PARD3: variants seen among roughly 807,000 people sequenced by gnomAD.
The protein encoded by PARD3 is partitioning defective 3 homolog.
In PARD3, 75 loss-of-function variants were observed where a neutral mutation model predicts 155.4. The observed-to-expected ratio is 0.48, with a 90% confidence interval of 0.40 to 0.58. The LOEUF is 0.58. Ranked by LOEUF, PARD3 falls within the 20% of genes least tolerant of loss-of-function variation. The pLI is 0.00. For missense variants in PARD3, 1,642 were observed against 1,721.7 expected, an observed-to-expected ratio of 0.95 and a Z score of 0.82; for synonymous variants, 576 against 610.5, an observed-to-expected ratio of 0.94 and a Z score of 0.83.
chr10:34,558,876 G>A (rs1214217094), intron 2 of PARD3, among the ~76,000 whole-genome samples: 1 of 152,186 alleles, frequency 6.6e-6, no homozygotes, highest in Admixed American at 6.5e-5. Context: ...TAACCTGGGA[G>A]GCGGAGGTTG....
At chr10:34,218,848 G>A (rs991097361) in intron 22 of PARD3, among the ~76,000 whole-genome samples, 3 of 151,954 alleles carry the variant, frequency 2.0e-5, no homozygotes, top group African/African-American at 7.3e-5. Context: ...GAAGAAAAAG[G>A]GTGAAAACCT....
intron 5 of PARD3, among the ~76,000 whole-genome samples, chr10:34,437,285 A>G (rs184704332): frequency 1.1e-4 from 17 of 152,236 alleles, no homozygotes; most frequent in Non-Finnish European, 2.1e-4. Context: ...ACCAGGATAC[A>G]CTCCAGTGAC....
Position 34,331,273 on chromosome 10 carries a change from C to G in PARD3, c.2677G>C (p.Ala893Pro), listed in dbSNP as rs762819451. ...CCATTCAAAGTCACCTCGGCAACTGCGGTCTGCAGACTCTCCAACGAGCTT... is the reference window on the plus strand; with the variant it reads ...CCATTCAAAGTCACCTCGGCAACTGGGGTCTGCAGACTCTCCAACGAGCTT... Reference protein sequence around the residue: ...KSSSLESLQTAVAEVTLNGDI... With the variant: ...KSSSLESLQTPVAEVTLNGDI... The change falls in exon 19 of 25, where the codon GCA (alanine) becomes CCA (proline). Residue 893 changes from alanine (A) to proline (P), a missense_variant. Transcript: ENST00000374788. 1 of 1,613,906 alleles carries G rather than the reference C, an allele frequency of 6.2e-7. No individual in the cohort carries two copies. The highest frequency in any genetic ancestry group is 8.5e-7 in the Non-Finnish European group (1 of 1,179,894).
intron 22 of PARD3, among the ~76,000 whole-genome samples, chr10:34,255,259 C>T (rs1210107859): frequency 6.6e-6 from 1 of 152,120 alleles, no homozygotes; most frequent in Non-Finnish European, 1.5e-5. Context: ...CGGAAGTGTT[C>T]CAATCCACGC....
intron 22 of PARD3, among the ~76,000 whole-genome samples, chr10:34,237,477 G>A (rs1393841406): frequency 1.3e-5 from 2 of 152,156 alleles, no homozygotes; most frequent in Non-Finnish European, 2.9e-5. Flanking sequence ...TAACAACCAT[G>A]ATAGTTTTTT....
intron 1 of PARD3, among the ~76,000 whole-genome samples, chr10:34,728,959 T>C (rs1317795144): frequency 1.3e-5 from 2 of 152,168 alleles, no homozygotes; most frequent in South Asian, 2.1e-4. Flanking sequence ...GGTTCCGATA[T>C]GTTTAGAAAC....
Position 34,565,946 on chromosome 10 carries a change from C to T in PARD3, c.223-48787G>A, listed in dbSNP as rs183824854. ...GTGTCAAAAGGAAAATACACATCTT[C>T]ATTTTTCAATGATTAAATACAGTCC... On this transcript the variant is annotated intron_variant, in intron 2 of 24. Coordinates refer to ENST00000374788, the MANE Select transcript of PARD3 (RefSeq NM_001184785.2). 1.7e-3 allele frequency among the ~76,000 whole-genome samples: 263 copies of T among 152,320 alleles called. 1 individual carries two copies. Among genetic ancestry groups the T allele is most frequent in the Admixed American group, 0.015 (226 of 15,300 alleles).
At chr10:34,312,119 A>T in intron 20 of PARD3, 1 of 665,114 alleles carries the variant, frequency 1.5e-6, no homozygotes, top group Admixed American at 3.0e-5. Context: ...AAAGAGAAAA[A>T]AACACGTCTC....
intron 5 of PARD3, among the ~76,000 whole-genome samples, chr10:34,420,390 T>A (rs1214365639): frequency 6.6e-6 from 1 of 152,176 alleles, no homozygotes; most frequent in Non-Finnish European, 1.5e-5. Flanking sequence ...ATCAACAACA[T>A]TCAAACTTTT....
chr10:34,154,022 T>A (rs773635596), intron 22 of PARD3, among the ~76,000 whole-genome samples: 1 of 152,214 alleles, frequency 6.6e-6, no homozygotes, highest in Non-Finnish European at 1.5e-5. Context: ...AATTATTTAA[T>A]GTTAAGGTTC....
At chr10:34,652,087 T>TA (rs1243657605) in intron 2 of PARD3, among the ~76,000 whole-genome samples, 13 of 152,166 alleles carry the variant, frequency 8.5e-5, no homozygotes, top group Non-Finnish European at 1.6e-4. Flanking sequence ...TTGCTGTTGT[T>TA]AGAGACAGGG....
chr10:34,761,286 C>A (rs7074053), intron 1 of PARD3, among the ~76,000 whole-genome samples: 4,083 of 152,090 alleles, frequency 0.027, 80 homozygotes, highest in Admixed American at 0.059. Context: ...TTGCGTGTAC[C>A]CATAGTCCCA....
At chr10:34,234,490 A>G (rs912101617) in intron 22 of PARD3, among the ~76,000 whole-genome samples, 1 of 152,164 alleles carries the variant, frequency 6.6e-6, no homozygotes, top group Non-Finnish European at 1.5e-5. Context: ...GGCCCATGCT[A>G]AACATCTCCC....
intron 1 of PARD3, among the ~76,000 whole-genome samples, chr10:34,707,448 C>G (rs748024630): frequency 1.3e-5 from 2 of 152,054 alleles, no homozygotes; most frequent in Non-Finnish European, 2.9e-5. Flanking sequence ...AAAAAAAAGT[C>G]TCTGGAGGAA....
intron 20 of PARD3, among the ~76,000 whole-genome samples, chr10:34,314,680 A>G (rs1205527655): frequency 6.6e-6 from 1 of 152,208 alleles, no homozygotes; most frequent in East Asian, 1.9e-4. Context: ...TGATGTCACT[A>G]AACACGGGGC....
intron 22 of PARD3, among the ~76,000 whole-genome samples, chr10:34,208,900 A>C (rs566978521): frequency 2.0e-5 from 3 of 152,332 alleles, no homozygotes; most frequent in South Asian, 2.1e-4. Flanking sequence ...AAATGTTTGA[A>C]ACCTCTATAA....
intron 22 of PARD3, among the ~76,000 whole-genome samples, chr10:34,201,434 T>C (rs1951204732): frequency 6.6e-6 from 1 of 152,224 alleles, no homozygotes; most frequent in African/African-American, 2.4e-5. Flanking sequence ...GTAAAAAGTT[T>C]ATTTAAATAA....
intron 2 of PARD3, among the ~76,000 whole-genome samples, chr10:34,684,878 TACACACACACAC>T (rs57035644): frequency 7.6e-4 from 105 of 137,886 alleles, no homozygotes; most frequent in South Asian, 5.5e-3. Context: ...TACACACACA[TACACACACACAC>T]ACACACACAC....
chr10:34,600,019 C>A (rs1256174774), intron 2 of PARD3, among the ~76,000 whole-genome samples: 1 of 151,844 alleles, frequency 6.6e-6, no homozygotes, highest in Non-Finnish European at 1.5e-5. Context: ...TGAGATCCTA[C>A]CCAGCGGAAC....
Sources: allele counts gnomAD v4.1 joint callset (sites outside exome capture counted in the v4.1 genomes callset), GRCh38; gene constraint gnomAD v4.1.1; transcripts MANE v1.5; gene names NCBI Gene and HGNC (gene_info 2026-07-23, HGNC 2026-07-21).